The following DCC variants were observed in gnomAD, a reference collection of about 807,000 sequenced individuals.
DCC encodes netrin receptor DCC.
Under a neutral mutation model 172.5 loss-of-function variants are expected in DCC, and 58 were observed. That is an observed-to-expected ratio of 0.34 (90% CI 0.27 to 0.42). DCC has a LOEUF of 0.42. DCC is among the 10% of genes least tolerant of loss of function. DCC has a pLI of 1.00. For synonymous variants in DCC, 709 were observed against 644.5 expected (o/e 1.10, Z -1.52); for missense variants, 1,740 against 1,791.0 (o/e 0.97, Z 0.51).
chr18:52,515,692 A>G (rs1237399), intron 1 of DCC, among the ~76,000 whole-genome samples: 45,125 of 146,636 alleles, frequency 0.31, 7,229 homozygotes, highest in African/African-American at 0.35. Flanking sequence ...TCAAGGGCTA[A>G]GCCAAGAGTC....
At chr18:52,488,192 T>C (rs1456826664) in intron 1 of DCC, among the ~76,000 whole-genome samples, 1 of 152,214 alleles carries the variant, frequency 6.6e-6, no homozygotes, top group East Asian at 1.9e-4. Context: ...GAATTATTCC[T>C]CATTTTTTGC....
At chr18:53,355,144 T>C (rs2057863317) in intron 15 of DCC, among the ~76,000 whole-genome samples, 1 of 152,178 alleles carries the variant, frequency 6.6e-6, no homozygotes, top group Non-Finnish European at 1.5e-5. Context: ...ATCTCTGTTT[T>C]GGTACCAGTA....
At chr18:52,761,329 T>C (rs927379127) in intron 2 of DCC, among the ~76,000 whole-genome samples, 1 of 152,174 alleles carries the variant, frequency 6.6e-6, no homozygotes, top group African/African-American at 2.4e-5. Flanking sequence ...CCACAACATA[T>C]GGTAATTCAA....
intron 5 of DCC, among the ~76,000 whole-genome samples, chr18:53,046,133 C>T (rs891646189): frequency 6.6e-6 from 1 of 151,818 alleles, no homozygotes; most frequent in African/African-American, 2.4e-5. Flanking sequence ...AGTCTCAAAG[C>T]TGGAATATAA....
At chr18:53,396,163 T>C (rs1214424618) in intron 17 of DCC, among the ~76,000 whole-genome samples, 1 of 151,946 alleles carries the variant, frequency 6.6e-6, no homozygotes, top group Non-Finnish European at 1.5e-5. Context: ...ACGTATGATA[T>C]GAGTGGGGGA....
chr18:52,472,738 A>G (rs780434552), intron 1 of DCC, among the ~76,000 whole-genome samples: 1 of 152,114 alleles, frequency 6.6e-6, no homozygotes, highest in Non-Finnish European at 1.5e-5. Context: ...CTGTGTCTCT[A>G]CAAAAAACAT....
At chr18:52,352,545 C>T (rs140023889) in intron 1 of DCC, among the ~76,000 whole-genome samples, 1 of 152,302 alleles carries the variant, frequency 6.6e-6, no homozygotes, top group African/African-American at 2.4e-5. Flanking sequence ...CCCCTATTAA[C>T]TCTTCCCTGG....
intron 12 of DCC, among the ~76,000 whole-genome samples, chr18:53,262,328 C>A (rs1233663943): frequency 1.3e-5 from 2 of 152,172 alleles, no homozygotes; most frequent in Non-Finnish European, 2.9e-5. Flanking sequence ...TCTGCAAATT[C>A]TAATATTTGA....
intron 1 of DCC, among the ~76,000 whole-genome samples, chr18:52,448,711 T>C (rs1988207268): frequency 6.6e-6 from 1 of 152,188 alleles, no homozygotes; most frequent in Non-Finnish European, 1.5e-5. Flanking sequence ...TGAGCAGACA[T>C]AATCCATATA....
chr18:53,423,254 C>T (rs1910735141), intron 21 of DCC, among the ~76,000 whole-genome samples: 1 of 152,102 alleles, frequency 6.6e-6, no homozygotes, highest in African/African-American at 2.4e-5. Flanking sequence ...TTTTGGATGC[C>T]ATTTCCTTGT....
At chr18:52,506,712 A>T (rs1426910105) in intron 1 of DCC, among the ~76,000 whole-genome samples, 1 of 152,142 alleles carries the variant, frequency 6.6e-6, no homozygotes, top group African/African-American at 2.4e-5. Context: ...CTACCAAGAA[A>T]TAAATATTCA....
intron 24 of DCC, among the ~76,000 whole-genome samples, chr18:53,466,012 C>T (rs985763507): frequency 2.0e-5 from 3 of 152,214 alleles, no homozygotes; most frequent in African/African-American, 7.2e-5. Flanking sequence ...GATCCGCCCA[C>T]CTCAGCCTCC....
At chr18:52,438,527 A>T (rs1221606923) in intron 1 of DCC, among the ~76,000 whole-genome samples, 1 of 152,216 alleles carries the variant, frequency 6.6e-6, no homozygotes, top group African/African-American at 2.4e-5. Flanking sequence ...AAATTTTATC[A>T]CTAATTGTTC....
At chr18:52,539,800 T>A (rs2032388048) in intron 1 of DCC, among the ~76,000 whole-genome samples, 1 of 152,218 alleles carries the variant, frequency 6.6e-6, no homozygotes, top group Admixed American at 6.5e-5. Flanking sequence ...CTATGCAAGA[T>A]AATACATGTA....
chr18:52,428,510 A>G (rs937695363), intron 1 of DCC, among the ~76,000 whole-genome samples: 2 of 152,166 alleles, frequency 1.3e-5, no homozygotes, highest in African/African-American at 4.8e-5. Flanking sequence ...GTGTTTTAAT[A>G]TGTACCATCG....
rs200004983 is a variant in DCC, at chr18:52,717,645, G to C, written c.92-34409G>C. 2.6e-5 allele frequency among the ~76,000 whole-genome samples: 4 copies of C among 151,960 alleles called. No individual in the cohort carries two copies. The East Asian group carries it at 7.8e-4, about 30-fold the overall frequency. ...CTCAAAACTACCTTTATATGTAATG[G>C]ACAAACATATTACATGTCTCCAGCG... On this transcript the variant is annotated intron_variant, in intron 1 of 28. Transcript: ENST00000442544.
chr18:53,342,629 A>G (rs2057673476), intron 15 of DCC, among the ~76,000 whole-genome samples: 2 of 150,188 alleles, frequency 1.3e-5, no homozygotes, highest in South Asian at 4.2e-4. Flanking sequence ...TATCTCAGTA[A>G]TATTTTATAG....
chr18:52,801,861 G>A (rs1257409802), intron 2 of DCC, among the ~76,000 whole-genome samples: 1 of 152,074 alleles, frequency 6.6e-6, no homozygotes, highest in Non-Finnish European at 1.5e-5. Flanking sequence ...TATAAAACAT[G>A]CAATATGCCT....
intron 27 of DCC, among the ~76,000 whole-genome samples, chr18:53,511,371 G>A (rs764576531): frequency 2.0e-5 from 3 of 152,242 alleles, no homozygotes; most frequent in African/African-American, 7.2e-5. Context: ...CAGTAGAGAG[G>A]TGGCTGGGAC....
Sources: gnomAD v4.1 joint callset for allele counts (sites outside exome capture counted in the v4.1 genomes callset) on GRCh38, gnomAD v4.1.1 for gene constraint, MANE v1.5 for transcripts, NCBI Gene and HGNC (gene_info 2026-07-23, HGNC 2026-07-21) for gene names.